The following EYS variants were observed in gnomAD, a reference collection of about 807,000 sequenced individuals.
EYS encodes the protein EGF-like photoreceptor maintenance factor.
EYS carries 250 observed loss-of-function variants against 282.1 expected under a neutral mutation model. The observed-to-expected ratio is 0.89, with a 90% CI of 0.80 to 0.98. EYS has a LOEUF of 0.98. Ranked by LOEUF, EYS falls within the 50% of genes least tolerant of loss-of-function variation. The pLI is 0.00. For missense variants in EYS, 4,016 were observed against 3,709.0 expected (o/e 1.08, Z -2.15); for synonymous variants, 1,355 against 1,282.9 (o/e 1.06, Z -1.20).
chr6:64,070,376 C>T (rs1482864548), intron 32 of EYS, among the ~76,000 whole-genome samples: 2 of 151,796 alleles, frequency 1.3e-5, no homozygotes, highest in Admixed American at 1.3e-4. Flanking sequence ...TTAATATTAC[C>T]ACTGAGATAA....
At chr6:64,143,356 TAAAAA>T (rs60699526) in intron 31 of EYS, among the ~76,000 whole-genome samples, 1,390 of 89,830 alleles carry the variant, frequency 0.015, 35 homozygotes, top group African/African-American at 0.051. Flanking sequence ...TCATTTATTG[TAAAAA>T]AAAAAAAAAA....
chr6:65,574,918 A>T (rs558314341), intron 2 of EYS, among the ~76,000 whole-genome samples: 1 of 152,292 alleles, frequency 6.6e-6, no homozygotes, highest in African/African-American at 2.4e-5. Flanking sequence ...TATTAAATAT[A>T]TTTTTGACCA....
chr6:64,935,461 T>C (rs941806535), intron 15 of EYS, among the ~76,000 whole-genome samples: 5 of 151,580 alleles, frequency 3.3e-5, no homozygotes, highest in Non-Finnish European at 5.9e-5. Context: ...AAGGAGAACA[T>C]AATGAAAATT....
chr6:64,929,455 C>A (rs1329295427), intron 15 of EYS, among the ~76,000 whole-genome samples: 3 of 152,110 alleles, frequency 2.0e-5, no homozygotes, highest in African/African-American at 7.2e-5. Flanking sequence ...TAATATGCCA[C>A]TTCCTGTAAA....
rs769417738 is a variant in EYS, at chr6:63,762,608, C to G, written c.7924G>C (p.Gly2642Arg). ...GAAACTGTCTCTGTGCAGAATGATC[C>G]TTTCCACCCAGTGGTACAATTGCAG... ...VYCNCTTGWKGSFCTETVSTC... is the reference protein window; with the variant it reads ...VYCNCTTGWKRSFCTETVSTC... The change falls in exon 41 of 43, where the codon GGA becomes CGA. Residue 2642 changes from glycine (G) to arginine (R), a missense_variant. Physicochemically the swap from Gly to Arg is moderately radical, Grantham distance 125 (BLOSUM62 -2). Coordinates refer to ENST00000503581, the MANE Select transcript of EYS (RefSeq NM_001142800.2). 1 of 1,550,088 alleles carries G rather than the reference C, an allele frequency of 6.5e-7. No individual in the cohort carries two copies. Among genetic ancestry groups the G allele is most frequent in the South Asian group, 1.2e-5 (1 of 83,956 alleles).
At chr6:64,246,191 CTCTCTTTTCTTTCTT>C (rs1767015989) in intron 30 of EYS, among the ~76,000 whole-genome samples, 2 of 147,582 alleles carry the variant, frequency 1.4e-5, no homozygotes, top group Admixed American at 6.8e-5. Context: ...TTTTTTTTCC[CTCTCTTTTCTTTCTT>C]AATTTCCTTC....
At chr6:64,194,277 T>C (rs1765211228) in intron 31 of EYS, among the ~76,000 whole-genome samples, 1 of 137,128 alleles carries the variant, frequency 7.3e-6, no homozygotes, top group African/African-American at 2.6e-5. Flanking sequence ...TATTCTGATA[T>C]TAATTATTAC....
chr6:64,456,984 C>T (rs1775578012), intron 26 of EYS, among the ~76,000 whole-genome samples: 1 of 151,892 alleles, frequency 6.6e-6, no homozygotes, highest in South Asian at 2.1e-4. Context: ...GTTATTATGA[C>T]CTTTTTTGAT....
intron 26 of EYS, among the ~76,000 whole-genome samples, chr6:64,563,927 T>G (rs1409134001): frequency 6.6e-6 from 1 of 151,916 alleles, no homozygotes; most frequent in Non-Finnish European, 1.5e-5. Context: ...TTCTATTTAT[T>G]TCTTATAAAT....
intron 33 of EYS, among the ~76,000 whole-genome samples, chr6:64,005,309 T>A (rs1768292290): frequency 1.3e-5 from 2 of 152,208 alleles, no homozygotes; most frequent in Admixed American, 1.3e-4. Context: ...TGCCCACTTT[T>A]TAGTGAGGTT....
At chr6:65,374,439 G>A (rs760434046) in intron 8 of EYS, among the ~76,000 whole-genome samples, 32 of 151,652 alleles carry the variant, frequency 2.1e-4, no homozygotes, top group African/African-American at 7.3e-4. Flanking sequence ...TACATTCCCC[G>A]GGCCCTGGGT....
chr6:63,999,396 C>T (rs769044293), intron 33 of EYS, among the ~76,000 whole-genome samples: 4 of 152,194 alleles, frequency 2.6e-5, no homozygotes, highest in Non-Finnish European at 5.9e-5. Flanking sequence ...TTCTCTCCTA[C>T]TGACTTTAAA....
intron 14 of EYS, among the ~76,000 whole-genome samples, chr6:64,980,468 T>C (rs996259933): frequency 1.3e-5 from 2 of 151,510 alleles, no homozygotes; most frequent in African/African-American, 4.8e-5. Flanking sequence ...TGTATATTTA[T>C]TGTACATTAG....
intron 12 of EYS, among the ~76,000 whole-genome samples, chr6:65,260,718 A>G (rs549341263): frequency 1.3e-5 from 2 of 152,158 alleles, no homozygotes; most frequent in South Asian, 4.1e-4. Flanking sequence ...ACAATATCCA[A>G]TATGGCCCTT....
intron 30 of EYS, among the ~76,000 whole-genome samples, chr6:64,275,395 C>T (rs1393248871): frequency 6.6e-6 from 1 of 151,214 alleles, no homozygotes; most frequent in Admixed American, 6.6e-5. Context: ...TCTAGATTAT[C>T]TGTATTTTGA....
chr6:64,284,500 G>T (rs1275620019), intron 30 of EYS, among the ~76,000 whole-genome samples: 1 of 152,082 alleles, frequency 6.6e-6, no homozygotes, highest in African/African-American at 2.4e-5. Flanking sequence ...TGTGGTAGGT[G>T]GATCTACCAT....
chr6:64,155,941 A>T (rs1467406213), intron 31 of EYS, among the ~76,000 whole-genome samples: 1 of 151,628 alleles, frequency 6.6e-6, no homozygotes, highest in African/African-American at 2.4e-5. Flanking sequence ...CCCTTCAGCT[A>T]CCTCTGGAGG....
chr6:65,212,537 T>C (rs1766200734), intron 12 of EYS, among the ~76,000 whole-genome samples: 1 of 152,118 alleles, frequency 6.6e-6, no homozygotes, highest in Non-Finnish European at 1.5e-5. Flanking sequence ...TTTTAATTGA[T>C]CTAAATTAAA....
At chr6:64,737,975 C>T (rs1371825939) in intron 22 of EYS, among the ~76,000 whole-genome samples, 5 of 152,142 alleles carry the variant, frequency 3.3e-5, no homozygotes, top group Non-Finnish European at 7.4e-5. Context: ...TGCTCAAAGC[C>T]ATGGTTCCTT....
Sources: gnomAD v4.1 joint callset for allele counts (sites outside exome capture counted in the v4.1 genomes callset) on GRCh38, gnomAD v4.1.1 for gene constraint, MANE v1.5 for transcripts, NCBI Gene and HGNC (gene_info 2026-07-23, HGNC 2026-07-21) for gene names.